The following SYNPR variants were observed in gnomAD, a reference collection of about 807,000 sequenced individuals.
SYNPR encodes synaptoporin.
Under a neutral mutation model 32.9 loss-of-function variants are expected in SYNPR, and 23 were observed. That is an observed-to-expected ratio of 0.70 (90% CI 0.50 to 0.99). SYNPR has a LOEUF of 0.99. Among genes scored for constraint, SYNPR ranks in the 50% least tolerant of loss-of-function variants. The pLI is 0.00. For missense variants in SYNPR, 318 were observed against 349.3 expected, an observed-to-expected ratio of 0.91 and a Z score of 0.71; for synonymous variants, 146 against 135.9, an observed-to-expected ratio of 1.07 and a Z score of -0.52.
At chr3:63,335,081 G>A (rs550673764) in intron 2 of SYNPR, among the ~76,000 whole-genome samples, 3 of 152,144 alleles carry the variant, frequency 2.0e-5, no homozygotes, top group South Asian at 4.1e-4. Flanking sequence ...CAGGCCTGGC[G>A]CCGTGGCTCA....
intron 2 of SYNPR, among the ~76,000 whole-genome samples, chr3:63,289,018 T>A (rs969686533): frequency 6.6e-6 from 1 of 152,168 alleles, no homozygotes; most frequent in Non-Finnish European, 1.5e-5. Context: ...AACTATCAAA[T>A]GAGGACCATA....
chr3:63,278,673 A>G lies in SYNPR; in HGVS notation c.19-4A>G, dbSNP rs775726458. The G allele has an allele frequency of 1.1e-5, 17 of 1,551,454 alleles. No individual in the cohort carries two copies. Among genetic ancestry groups the G allele is most frequent in the Non-Finnish European group, 1.4e-5 (16 of 1,146,948 alleles). ...TTTCTCTCTCTCGCCTCATTCCCCCAAAGCTGGCCTCTGCGGGCACCTTCC... is the reference window on the plus strand; with the variant it reads ...TTTCTCTCTCTCGCCTCATTCCCCCGAAGCTGGCCTCTGCGGGCACCTTCC... On this transcript the variant is annotated splice_polypyrimidine_tract_variant and splice_region_variant and intron_variant, in intron 1 of 5. Transcript: ENST00000478300.
At chr3:63,557,224 C>A (rs1272839736) in intron 4 of SYNPR, among the ~76,000 whole-genome samples, 1 of 152,064 alleles carries the variant, frequency 6.6e-6, no homozygotes, top group Non-Finnish European at 1.5e-5. Flanking sequence ...CAATATAGCC[C>A]AGCATTTCTA....
At chr3:63,256,897 A>G (rs1449027037) in intron 2 of SYNPR, among the ~76,000 whole-genome samples, 2 of 152,234 alleles carry the variant, frequency 1.3e-5, no homozygotes, top group African/African-American at 4.8e-5. Flanking sequence ...GCTGAAAACC[A>G]CGGCACGAGA....
At chr3:63,279,731 T>C (rs957579022) in intron 2 of SYNPR, among the ~76,000 whole-genome samples, 2 of 152,252 alleles carry the variant, frequency 1.3e-5, no homozygotes, top group African/African-American at 4.8e-5. Context: ...TGTTCTCTGT[T>C]CCCAGATCTT....
At chr3:63,414,009 CAT>C (rs965536250) in intron 2 of SYNPR, among the ~76,000 whole-genome samples, 93 of 149,068 alleles carry the variant, frequency 6.2e-4, no homozygotes, top group South Asian at 1.5e-3. Flanking sequence ...AATATATATA[CAT>C]ATATATATAT....
intron 3 of SYNPR, among the ~76,000 whole-genome samples, chr3:63,535,043 A>T (rs1702177464): frequency 1.3e-5 from 2 of 152,198 alleles, no homozygotes. Flanking sequence ...TACTGTCAGT[A>T]TTAGGAAACT....
intron 2 of SYNPR, among the ~76,000 whole-genome samples, chr3:63,301,444 C>T (rs1313840615): frequency 2.6e-5 from 4 of 151,998 alleles, no homozygotes; most frequent in Non-Finnish European, 4.4e-5. Flanking sequence ...CATTATAAGG[C>T]TTTAGCTATT....
intron 2 of SYNPR, among the ~76,000 whole-genome samples, chr3:63,356,974 C>T (rs1429743970): frequency 5.9e-5 from 9 of 152,252 alleles, no homozygotes; most frequent in Middle Eastern, 3.4e-3. Flanking sequence ...TGAACTTGGG[C>T]GACATATTTA....
chr3:63,369,076 A>G (rs902570338), intron 2 of SYNPR, among the ~76,000 whole-genome samples: 1 of 152,220 alleles, frequency 6.6e-6, no homozygotes, highest in Non-Finnish European at 1.5e-5. Context: ...AGGTCTTTAA[A>G]GAGGAGTTTA....
chr3:63,219,052 A>T, the SYNPR span, among the ~76,000 whole-genome samples: 1 of 152,242 alleles, frequency 6.6e-6, no homozygotes, highest in African/African-American at 2.4e-5. Flanking sequence ...ACCAAATAAG[A>T]TATTTGCCTA....
At chr3:63,525,930 A>G (rs140937795) in intron 3 of SYNPR, among the ~76,000 whole-genome samples, 47 of 152,362 alleles carry the variant, frequency 3.1e-4, no homozygotes, top group Non-Finnish European at 6.3e-4. Context: ...AGGCTGTACA[A>G]GAAGCATGGC....
At chr3:63,245,710 AGT>A (rs1159947180) in intron 1 of SYNPR, among the ~76,000 whole-genome samples, 138 of 44,222 alleles carry the variant, frequency 3.1e-3, no homozygotes, top group East Asian at 0.014. Flanking sequence ...AGAGAGAGAG[AGT>A]GTGTGTGTGT....
intron 3 of SYNPR, among the ~76,000 whole-genome samples, chr3:63,552,704 T>G (rs911457577): frequency 6.6e-6 from 1 of 152,146 alleles, no homozygotes; most frequent in African/African-American, 2.4e-5. Context: ...AGCTTCACTT[T>G]AAAAATATAT....
At chr3:63,253,115 C>T (rs972552990) in intron 2 of SYNPR, among the ~76,000 whole-genome samples, 2 of 151,434 alleles carry the variant, frequency 1.3e-5, no homozygotes, top group Non-Finnish European at 2.9e-5. Flanking sequence ...TTTGGCAAGT[C>T]CATTTATAGA....
At chr3:63,321,909 C>T (rs2087114986) in intron 2 of SYNPR, among the ~76,000 whole-genome samples, 1 of 152,046 alleles carries the variant, frequency 6.6e-6, no homozygotes, top group Admixed American at 6.6e-5. Context: ...TAAAAAGCAG[C>T]CATGTCAGTC....
chr3:63,378,953 G>A (rs953570582), intron 2 of SYNPR, among the ~76,000 whole-genome samples: 11 of 151,988 alleles, frequency 7.2e-5, no homozygotes, highest in Admixed American at 2.0e-4. Flanking sequence ...TTAGCACTGC[G>A]TGCTAAGAAT....
chr3:63,371,579 C>T (rs2087812682), intron 2 of SYNPR, among the ~76,000 whole-genome samples: 1 of 152,190 alleles, frequency 6.6e-6, no homozygotes, highest in Admixed American at 6.5e-5. Flanking sequence ...TTTTTGCTGC[C>T]CTGCAGCCCT....
chr3:63,361,146 A>G (rs748476504), intron 2 of SYNPR, among the ~76,000 whole-genome samples: 1 of 152,332 alleles, frequency 6.6e-6, no homozygotes, highest in Non-Finnish European at 1.5e-5. Context: ...GAAAATCTCC[A>G]AGAGTCTCAA....
Sources: allele counts gnomAD v4.1 joint callset (sites outside exome capture counted in the v4.1 genomes callset), GRCh38; gene constraint gnomAD v4.1.1; transcripts MANE v1.5; gene names NCBI Gene and HGNC (gene_info 2026-07-23, HGNC 2026-07-21).